Variants in CHN1 observed in about 807,000 individuals in gnomAD.
CHN1 encodes the protein chimerin 1.
Under a neutral mutation model 59.5 loss-of-function variants are expected in CHN1, and 37 were observed. The ratio of observed to expected loss-of-function variants is 0.62; its 90% CI spans 0.48 to 0.82. The LOEUF (loss-of-function observed/expected upper bound fraction) is 0.82, where lower values mean the gene tolerates loss of function less well. Among genes scored for constraint, CHN1 ranks in the 40% least tolerant of loss-of-function variants. The pLI, the probability that CHN1 is intolerant of heterozygous loss-of-function variation, is 0.00. For missense variants in CHN1, 469 were observed against 571.0 expected, an observed-to-expected ratio of 0.82 and a Z score of 1.82; for synonymous variants, 206 against 200.4, an observed-to-expected ratio of 1.03 and a Z score of -0.24.
At chr2:174,883,230 C>T (rs1687788198) in intron 5 of CHN1, among the ~76,000 whole-genome samples, 1 of 152,152 alleles carries the variant, frequency 6.6e-6, no homozygotes, top group African/African-American at 2.4e-5. Flanking sequence ...AATCCTGTCC[C>T]TATTGTTATC....
At chr2:174,833,711 A>G (rs986045620) in intron 7 of CHN1, among the ~76,000 whole-genome samples, 5 of 151,260 alleles carry the variant, frequency 3.3e-5, no homozygotes, top group Admixed American at 6.6e-5. Context: ...AATTAACTGC[A>G]TATTTCTTAT....
chr2:174,959,863 A>G lies in CHN1; in HGVS notation c.20-7661T>C, dbSNP rs962239829. 5.9e-5 allele frequency among the ~76,000 whole-genome samples: 9 copies of G among 152,236 alleles called. No individual in the cohort carries two copies. In the South Asian group the frequency reaches 1.7e-3, roughly 28 times the overall value. The stretch of plus-strand genomic sequence containing the variant: ...TAAAAAACTGCAATCTTGACCTTCA[A>G]CTGCGGTGACTGCTGTGACCTGGGC... On this transcript the variant is annotated intron_variant, in intron 1 of 12. Coordinates refer to ENST00000409900, the MANE Select transcript of CHN1 (RefSeq NM_001822.7).
In CHN1 at chr2:174,814,034, C is replaced by G. The variant is rs567141749; in HGVS notation, c.713-1552G>C. 3.9e-4 allele frequency among the ~76,000 whole-genome samples: 59 copies of G among 152,286 alleles called. No individual in the cohort carries two copies. In the South Asian group the frequency reaches 0.012, roughly 30 times the overall value. ...GACAAGGAAAATTAGCCAAAACTTACAAACAACATCATTGTTTCATTAAAT... is the reference window on the plus strand; with the variant it reads ...GACAAGGAAAATTAGCCAAAACTTAGAAACAACATCATTGTTTCATTAAAT... On this transcript the variant is annotated intron_variant, in intron 8 of 12. Coordinates refer to ENST00000409900, the MANE Select transcript of CHN1 (RefSeq NM_001822.7).
chr2:174,910,899 CAAAAAAAAAAAAAA>C (rs10568066), intron 5 of CHN1, among the ~76,000 whole-genome samples: 23 of 76,648 alleles, frequency 3.0e-4, no homozygotes, highest in Middle Eastern at 7.8e-3. Flanking sequence ...GACTCCGTCT[CAAAAAAAAAAAAAA>C]AAAAAAAAAA....
intron 5 of CHN1, among the ~76,000 whole-genome samples, chr2:174,884,805 G>T (rs905976513): frequency 2.0e-5 from 3 of 151,998 alleles, no homozygotes; most frequent in African/African-American, 7.3e-5. Context: ...ATTGTTAATG[G>T]TTCACTATTG....
At chr2:174,907,410 C>T (rs1296490281) in intron 5 of CHN1, among the ~76,000 whole-genome samples, 1 of 152,174 alleles carries the variant, frequency 6.6e-6, no homozygotes, top group African/African-American at 2.4e-5. Flanking sequence ...CCGTATAGAC[C>T]TTGGATGGAA....
At chr2:174,921,104 C>A in intron 3 of CHN1, 1 of 354,276 alleles carries the variant, frequency 2.8e-6, no homozygotes, top group South Asian at 2.2e-5. Context: ...GTAGTTGAAG[C>A]TTCGCTGGCT....
intron 7 of CHN1, among the ~76,000 whole-genome samples, chr2:174,838,744 G>A (rs946817116): frequency 1.3e-5 from 2 of 152,116 alleles, no homozygotes; most frequent in Non-Finnish European, 2.9e-5. Flanking sequence ...GCCAGGTGCA[G>A]TGGTTCATGC....
At chr2:174,915,992 C>T (rs987309375) in intron 4 of CHN1, among the ~76,000 whole-genome samples, 1 of 152,174 alleles carries the variant, frequency 6.6e-6, no homozygotes, top group Non-Finnish European at 1.5e-5. Context: ...TTTGCTGTAT[C>T]GAGTATTTTG....
intron 5 of CHN1, among the ~76,000 whole-genome samples, chr2:174,880,884 T>G (rs1313180906): frequency 6.6e-6 from 1 of 151,968 alleles, no homozygotes; most frequent in Non-Finnish European, 1.5e-5. Flanking sequence ...CTGTCTCTAC[T>G]AAAAATACAA....
chr2:174,853,037 A>G (rs913927831), intron 6 of CHN1, among the ~76,000 whole-genome samples: 1 of 152,198 alleles, frequency 6.6e-6, no homozygotes, highest in African/African-American at 2.4e-5. Context: ...CAACTTTGGG[A>G]AAGAATTTTT....
At chr2:174,945,931 G>GTATA (rs869242436) in intron 2 of CHN1, among the ~76,000 whole-genome samples, 5 of 149,102 alleles carry the variant, frequency 3.4e-5, no homozygotes, top group South Asian at 2.1e-4. Context: ...GTGTGTGTGT[G>GTATA]TATATATATA....
chr2:174,802,092 T>C (rs1256369876), intron 11 of CHN1: 3 of 325,044 alleles, frequency 9.2e-6, no homozygotes, highest in African/African-American at 2.1e-5. Flanking sequence ...ACTTTCGAAA[T>C]TGGACATGGA....
At chr2:174,959,393 G>A (rs1690324743) in intron 1 of CHN1, among the ~76,000 whole-genome samples, 1 of 152,174 alleles carries the variant, frequency 6.6e-6, no homozygotes, top group Non-Finnish European at 1.5e-5. Flanking sequence ...CAGTGGGTAG[G>A]TGCCACTGTC....
intron 3 of CHN1, among the ~76,000 whole-genome samples, chr2:174,930,774 T>C (rs1689320172): frequency 6.6e-6 from 1 of 152,260 alleles, no homozygotes; most frequent in Non-Finnish European, 1.5e-5. Flanking sequence ...GCTGATTTTT[T>C]TTTTTTTTGA....
chr2:174,826,224 T>C (rs1558940459), intron 7 of CHN1, among the ~76,000 whole-genome samples: 1 of 152,178 alleles, frequency 6.6e-6, no homozygotes, highest in Non-Finnish European at 1.5e-5. Context: ...GCCTGTAAAC[T>C]CAAAGTATTT....
rs191432991 is a variant in CHN1, at chr2:174,949,875, C to A, written c.58+2289G>T. 3.8e-3 allele frequency among the ~76,000 whole-genome samples: 577 copies of A among 152,240 alleles called. 10 individuals carry two copies. The highest frequency in any genetic ancestry group is 0.034 in the Admixed American group (521 of 15,296). On this transcript the variant is annotated intron_variant, in intron 2 of 12. Transcript: ENST00000409900. ...AAATATCTATTTTAATAATTTCCTACACATTTCTACTGTTAAAATGATTAC... is the reference window on the plus strand; with the variant it reads ...AAATATCTATTTTAATAATTTCCTAAACATTTCTACTGTTAAAATGATTAC...
intron 7 of CHN1, among the ~76,000 whole-genome samples, chr2:174,841,541 A>G (rs1338979167): frequency 6.6e-6 from 1 of 152,196 alleles, no homozygotes; most frequent in Non-Finnish European, 1.5e-5. Flanking sequence ...CCTATGCTAC[A>G]TACTGATCTG....
At chr2:174,811,221 T>C (rs1359646928) in intron 10 of CHN1, 2 of 248,314 alleles carry the variant, frequency 8.1e-6, no homozygotes, top group Admixed American at 1.1e-4. Flanking sequence ...TTCTCTATCA[T>C]TTTTGGTGAA....
Sources: gnomAD v4.1 joint callset for allele counts (sites outside exome capture counted in the v4.1 genomes callset) on GRCh38, gnomAD v4.1.1 for gene constraint, MANE v1.5 for transcripts, NCBI Gene and HGNC (gene_info 2026-07-23, HGNC 2026-07-21) for gene names.